EFCAB8: variants seen among roughly 807,000 people sequenced by gnomAD.
The protein encoded by EFCAB8 is EF-hand calcium binding domain 8.
A neutral mutation model predicts 116.3 loss-of-function variants in EFCAB8; 100 were observed. The ratio of observed to expected loss-of-function variants is 0.86; its 90% CI spans 0.73 to 1.02. The LOEUF (loss-of-function observed/expected upper bound fraction) is 1.02, where lower values mean the gene tolerates loss of function less well. EFCAB8 is among the 50% of genes least tolerant of loss of function. The pLI is 0.00. For missense variants in EFCAB8, 1,320 were observed against 1,416.9 expected (o/e 0.93, Z 1.10); for synonymous variants, 558 against 567.9 (o/e 0.98, Z 0.25).
intron 3 of EFCAB8, among the ~76,000 whole-genome samples, chr20:32,868,807 A>G (rs766064734): frequency 8.5e-5 from 13 of 152,176 alleles, no homozygotes; most frequent in Non-Finnish European, 1.5e-4. Context: ...CAACATGGTG[A>G]AACCCCGTCT....
At chr20:32,930,873 G>A (rs1488779866) in intron 21 of EFCAB8, among the ~76,000 whole-genome samples, 2 of 152,146 alleles carry the variant, frequency 1.3e-5, no homozygotes, top group East Asian at 1.9e-4. Context: ...CCCTCATCCC[G>A]AAGTCATGTG....
chr20:32,961,548 C>G lies in EFCAB8; in HGVS notation c.3806C>G (p.Pro1269Arg). ...ATTGTCTCCTCCTTCGAGCGGCCCCCAAGGCCTCTGAAGGCCACCTTCATG... is the reference window on the plus strand; with the variant it reads ...ATTGTCTCCTCCTTCGAGCGGCCCCGAAGGCCTCTGAAGGCCACCTTCATG... Reference protein sequence around the residue: ...KHIVSSFERPPRPLKATFMSS... With the variant: ...KHIVSSFERPRRPLKATFMSS... Residue 1269 changes from proline (P) to arginine (R), a missense_variant, in exon 27 of 27, where the codon CCA becomes CGA. By Grantham distance (103) the Pro-to-Arg change is moderately radical. Transcript: ENST00000400522. The G allele has an allele frequency of 2.8e-6, 4 of 1,407,538 alleles. No individual in the cohort carries two copies. The highest frequency in any genetic ancestry group is 3.7e-6 in the Non-Finnish European group (4 of 1,078,800). The allele number at this position is 1,407,538 out of a possible 1,614,324, so 87.2% of individuals were successfully genotyped here.
Position 32,931,313 on chromosome 20 carries a change from T to C in EFCAB8, c.2767T>C (p.Tyr923His). The change falls in exon 22 of 27, where the codon TAC becomes CAC. Residue 923 changes from tyrosine (Y) to histidine (H), a missense_variant. Tyr to His is a moderately conservative substitution (Grantham distance 83). Transcript: ENST00000400522. ...GCAACTTGGGACCAACTTCCCACAC[T>C]ACATTCCCTTGGAGGATAAAGAGGT... ...PQQLGTNFPHYIPLEDKEVVA... is the reference protein window; with the variant it reads ...PQQLGTNFPHHIPLEDKEVVA... 6.5e-7 allele frequency: 1 copy of C among 1,548,998 alleles called. No homozygotes were observed. The highest frequency in any genetic ancestry group is 8.7e-7 in the Non-Finnish European group (1 of 1,145,578).
chr20:32,939,631 C>T (rs1988323520), intron 22 of EFCAB8, among the ~76,000 whole-genome samples: 1 of 145,340 alleles, frequency 6.9e-6, no homozygotes, highest in African/African-American at 2.6e-5. Flanking sequence ...CCCTCCCTTC[C>T]TCCCTCCTTT....
At chr20:32,873,780 C>T (rs1164190231) in intron 3 of EFCAB8, among the ~76,000 whole-genome samples, 2 of 149,434 alleles carry the variant, frequency 1.3e-5, no homozygotes, top group Non-Finnish European at 3.0e-5. Context: ...CCACTGTACT[C>T]CAGCCTGGGC....
intron 23 of EFCAB8, among the ~76,000 whole-genome samples, chr20:32,952,849 C>CATCTTAACCATTTTT (rs1201741779): frequency 1.3e-5 from 2 of 152,098 alleles, no homozygotes; most frequent in Non-Finnish European, 2.9e-5. Context: ...TAAAACTTAC[C>CATCTTAACCATTTTT]ATCTTAACCA....
At chr20:32,892,066 C>A in intron 7 of EFCAB8, 147 bp from the exon 8 acceptor site, 1 of 685,128 alleles carries the variant, frequency 1.5e-6, no homozygotes, top group Non-Finnish European at 2.5e-6. Flanking sequence ...TGGGTTTACT[C>A]TGTGAACAGC....
intron 2 of EFCAB8, 99 bp from the exon 3 acceptor site, chr20:32,867,483 G>A: frequency 7.6e-7 from 1 of 1,321,306 alleles, no homozygotes; most frequent in South Asian, 1.5e-5. Flanking sequence ...TACTTACCTT[G>A]TTCTTTCTCA....
chr20:32,903,979 C>T lies in EFCAB8; in HGVS notation c.1089-2583C>T, dbSNP rs559012243. 4.0e-5 allele frequency among the ~76,000 whole-genome samples: 6 copies of T among 151,556 alleles called. No individual in the cohort carries two copies. The East Asian group carries it at 7.8e-4, about 20-fold the overall frequency. ...TGGAGGGCATACTGTGTCAGGGGGT[C>T]GGGTGCCCTACTACAGATGCCTTTG... On this transcript the variant is annotated intron_variant, in intron 11 of 26. Coordinates refer to ENST00000400522, the MANE Select transcript of EFCAB8 (RefSeq NM_001143967.2).
At chr20:32,907,015 T>C in intron 13 of EFCAB8, 21 bp downstream of exon 13, 8 of 1,485,578 alleles carry the variant, frequency 5.4e-6, no homozygotes, top group Non-Finnish European at 1.8e-6. Flanking sequence ...ACGGTCCGCC[T>C]GACTCCTTCT....
intron 22 of EFCAB8, among the ~76,000 whole-genome samples, chr20:32,935,106 C>A (rs1211486234): frequency 6.6e-6 from 1 of 150,786 alleles, no homozygotes; most frequent in Non-Finnish European, 1.5e-5. Flanking sequence ...AACCTGTTGG[C>A]CATTTGAATG....
intron 1 of EFCAB8, among the ~76,000 whole-genome samples, chr20:32,860,281 C>CTG (rs1984035486): frequency 6.6e-6 from 1 of 151,864 alleles, no homozygotes; most frequent in African/African-American, 2.4e-5. Flanking sequence ...GCATTCCAGC[C>CTG]TGTGACAGAG....
At chr20:32,958,678 G>T (rs138503800) in intron 24 of EFCAB8, 128 bp downstream of exon 24, 5,109 of 396,944 alleles carry the variant, frequency 0.013, 60 homozygotes, top group South Asian at 0.02. Flanking sequence ...ACCCTCAGAA[G>T]GCCAGAGGCT....
chr20:32,914,421 A>C (rs1197009024), intron 17 of EFCAB8, among the ~76,000 whole-genome samples: 1 of 152,150 alleles, frequency 6.6e-6, no homozygotes, highest in African/African-American at 2.4e-5. Context: ...GGGTTGGCTG[A>C]TCCATACTAA....
At chr20:32,877,280 C>T (rs1287902881) in intron 4 of EFCAB8, among the ~76,000 whole-genome samples, 1 of 139,152 alleles carries the variant, frequency 7.2e-6, no homozygotes, top group East Asian at 2.1e-4. Flanking sequence ...ACGATCTTGG[C>T]TCTTTGCAAC....
chr20:32,884,524 C>T (rs1367697197), intron 5 of EFCAB8, among the ~76,000 whole-genome samples: 4 of 152,158 alleles, frequency 2.6e-5, no homozygotes, highest in Admixed American at 6.6e-5. Flanking sequence ...AGAGGAGAAC[C>T]GTGTCCAGAC....
chr20:32,926,786 T>G (rs1987691746), intron 20 of EFCAB8, among the ~76,000 whole-genome samples: 1 of 145,942 alleles, frequency 6.9e-6, no homozygotes, highest in African/African-American at 2.6e-5. Context: ...TTGCGATAGT[T>G]TACTGAGAAT....
chr20:32,907,014 CT>C lies in EFCAB8; in HGVS notation c.1308+21del. ...GACAAGGTCCGCCCCGACGGTCCGCCTGACTCCTTCTGTTCCTCAGGGAAAC... is the reference window on the plus strand; with the variant it reads ...GACAAGGTCCGCCCCGACGGTCCGCCGACTCCTTCTGTTCCTCAGGGAAAC... On this transcript the variant is annotated intron_variant, in intron 13 of 26. Transcript: ENST00000400522. 6.7e-7 allele frequency: 1 copy of C among 1,485,618 alleles called. No individual in the cohort carries two copies. Among genetic ancestry groups the C allele is most frequent in the African/African-American group, 1.4e-5 (1 of 71,330 alleles). The allele number at this position is 1,485,618 out of a possible 1,614,324, so 92.0% of individuals were successfully genotyped here.
intron 23 of EFCAB8, among the ~76,000 whole-genome samples, chr20:32,957,079 A>G (rs1360804406): frequency 1.3e-5 from 2 of 150,580 alleles, no homozygotes. Flanking sequence ...TCTTAATTTT[A>G]GATGTATTTT....
Sources: allele counts gnomAD v4.1 joint callset (sites outside exome capture counted in the v4.1 genomes callset), GRCh38; gene constraint gnomAD v4.1.1; transcripts MANE v1.5; gene names NCBI Gene and HGNC (gene_info 2026-07-23, HGNC 2026-07-21).